Variants in PCDHGA1 observed in about 807,000 individuals in gnomAD.
PCDHGA1 encodes protocadherin gamma-A1.
In PCDHGA1, 32 loss-of-function variants were observed where a neutral mutation model predicts 58.0. That is an observed-to-expected ratio of 0.55 (90% CI 0.42 to 0.74). The LOEUF is 0.74. Ranked by LOEUF, PCDHGA1 falls within the 30% of genes least tolerant of loss-of-function variation. The pLI, the probability that PCDHGA1 is intolerant of heterozygous loss-of-function variation, is 0.00. For missense variants in PCDHGA1, 1,205 were observed against 1,182.3 expected, an observed-to-expected ratio of 1.02 and a Z score of -0.28; for synonymous variants, 498 against 501.1, an observed-to-expected ratio of 0.99 and a Z score of 0.08.
At chr5:141,407,873 A>C (rs561323423) in intron 1 of PCDHGA1, 1 of 354,804 alleles carries the variant, frequency 2.8e-6, no homozygotes, top group African/African-American at 2.1e-5. Flanking sequence ...CGAAGAATAT[A>C]TACATTTCGG....
chr5:141,447,298 C>T lies in PCDHGA1; in HGVS notation c.2422-47509C>T, dbSNP rs187482431. 1.7e-3 allele frequency among the ~76,000 whole-genome samples: 260 copies of T among 152,214 alleles called. 2 individuals carry two copies. Among genetic ancestry groups the T allele is most frequent in the African/African-American group, 5.8e-3 (239 of 41,534 alleles). ...GGGACTACAGGCACATGCCACCACA[C>T]CCGGCTAATTTTTGTATTTTTAGTA... On this transcript the variant is annotated intron_variant, in intron 1 of 3. Coordinates refer to ENST00000517417, the MANE Select transcript of PCDHGA1 (RefSeq NM_018912.3).
Position 141,394,683 on chromosome 5 carries a change from G to A in PCDHGA1, c.2421+61578G>A, listed in dbSNP as rs1008097766. ...ACTCTTCTCGGTGGGTCTGCACACG[G>A]GCGAGGTGCGCACGGCGCGAGCCCT... On this transcript the variant is annotated intron_variant, in intron 1 of 3. Coordinates refer to ENST00000517417, the MANE Select transcript of PCDHGA1 (RefSeq NM_018912.3). 5 of 1,611,630 alleles carry A rather than the reference G, an allele frequency of 3.1e-6. No homozygotes were observed. In the African/African-American group the frequency reaches 5.4e-5, roughly 17 times the overall value.
At chr5:141,378,758 C>G (rs969501970) in intron 1 of PCDHGA1, 1 of 152,162 alleles carries the variant, frequency 6.6e-6, no homozygotes, top group Non-Finnish European at 1.5e-5. Flanking sequence ...AAGGGATTAT[C>G]ATTTAGAAGA....
intron 1 of PCDHGA1, chr5:141,394,736 C>A: frequency 6.2e-7 from 1 of 1,613,456 alleles, no homozygotes; most frequent in Non-Finnish European, 8.5e-7. Flanking sequence ...TCAAGCAGAG[C>A]CTCGTGGTGG....
intron 1 of PCDHGA1, chr5:141,389,114 C>A: frequency 1.2e-6 from 2 of 1,614,004 alleles, no homozygotes; most frequent in Non-Finnish European, 1.7e-6. Flanking sequence ...TTCTAGACCG[C>A]GAGCAGAATC....
At chr5:141,479,391 T>G (rs2099494461) in intron 1 of PCDHGA1, 1 of 152,266 alleles carries the variant, frequency 6.6e-6, no homozygotes, top group Non-Finnish European at 1.5e-5. Flanking sequence ...AGCCCAGGAG[T>G]TCTGGGCTGT....
At position 141,466,670 on chromosome 5, in the gene PCDHGA1, G is replaced by C. The variant is rs994949602; in HGVS notation, c.2422-28137G>C. On this transcript the variant is annotated intron_variant, in intron 1 of 3. Transcript: ENST00000517417. ...TTCACAAAACATCAGTGATTTCACC[G>C]TTCTTCCACTCAAGCTTCATCATAA... Among the ~76,000 whole-genome samples, 3 of 152,046 alleles carry C rather than the reference G, an allele frequency of 2.0e-5. No homozygotes were observed. The South Asian group carries it at 6.2e-4, about 32-fold the overall frequency.
intron 1 of PCDHGA1, among the ~76,000 whole-genome samples, chr5:141,363,225 C>A (rs1260243395): frequency 2.0e-5 from 3 of 152,330 alleles, no homozygotes; most frequent in African/African-American, 7.2e-5. Context: ...ATCTTACAAC[C>A]TATGTTCACA....
At position 141,345,350 on chromosome 5, in the gene PCDHGA1, C is replaced by G. The variant is rs201216963; in HGVS notation, c.2421+12245C>G. 2.5e-6 allele frequency: 4 copies of G among 1,613,950 alleles called. No individual in the cohort carries two copies. The African/African-American group carries it at 4.0e-5, about 16-fold the overall frequency. On this transcript the variant is annotated intron_variant, in intron 1 of 3. Transcript: ENST00000517417. ...CACTGTCCACAGAAACTCACATCAC[C>G]CTGCATGTGATTGACATCAATGACA...
intron 1 of PCDHGA1, chr5:141,356,136 T>C (rs1279455399): frequency 1.2e-6 from 2 of 1,613,734 alleles, no homozygotes; most frequent in South Asian, 1.1e-5. Context: ...ATGAGGACTC[T>C]GGATTCTATG....
At position 141,332,707 on chromosome 5, in the gene PCDHGA1, C is replaced by T. The variant is rs1756423555; in HGVS notation, c.2023C>T (p.Leu675=). The part of the protein sequence containing the change: ...ADRISDILAD[L]GSLEPSAKPN... ...CAGGATCTCCGACATCCTGGCCGAC[C>T]TGGGCAGCCTCGAGCCCTCCGCCAA... The change falls in exon 1 of 4, where the codon CTG becomes TTG. Residue 675 remains leucine (L), a synonymous_variant. Coordinates refer to ENST00000517417, the MANE Select transcript of PCDHGA1 (RefSeq NM_018912.3). This position sits in a 1 kb window ranked among gnomAD's most constrained non-coding sequence, Gnocchi z 4.6. 21 of 1,613,966 alleles carry T rather than the reference C, an allele frequency of 1.3e-5. No individual in the cohort carries two copies. The highest frequency in any genetic ancestry group is 1.8e-5 in the Non-Finnish European group (21 of 1,179,954).
chr5:141,472,230 C>T (rs1274096264), intron 1 of PCDHGA1, among the ~76,000 whole-genome samples: 1 of 152,116 alleles, frequency 6.6e-6, no homozygotes, highest in Non-Finnish European at 1.5e-5. Flanking sequence ...TCATATAATA[C>T]ATTCACTTTC....
chr5:141,410,822 A>T (rs2095425246), intron 1 of PCDHGA1: 1 of 461,414 alleles, frequency 2.2e-6, no homozygotes, highest in Non-Finnish European at 3.6e-6. Flanking sequence ...AAATAATGTC[A>T]CCAGACTGAA....
intron 1 of PCDHGA1, chr5:141,374,138 C>A: frequency 6.2e-7 from 1 of 1,608,824 alleles, no homozygotes. Context: ...GCTCCTCACG[C>A]TCCTGGGGAC....
intron 1 of PCDHGA1, among the ~76,000 whole-genome samples, chr5:141,446,323 A>G (rs1372501599): frequency 6.6e-6 from 1 of 152,216 alleles, no homozygotes. Flanking sequence ...GGGTTTCCAC[A>G]TTAAGGAACT....
rs560084217 is a variant in PCDHGA1 at position 141,395,247 on chromosome 5, G to A, written c.2421+62142G>A. On this transcript the variant is annotated intron_variant, in intron 1 of 3. Transcript: ENST00000517417. ...AGCTGATCATGGTCAGGTGAGTTTA[G>A]TTCTTTGCTTGCTTTTAATTTCCAG... 4 of 1,561,194 alleles carry A rather than the reference G, an allele frequency of 2.6e-6. No individual in the cohort carries two copies. The East Asian group carries it at 9.1e-5, about 35-fold the overall frequency.
chr5:141,438,635 TACACAC>T (rs56854727), intron 1 of PCDHGA1, among the ~76,000 whole-genome samples: 557 of 33,182 alleles, frequency 0.017, 8 homozygotes, highest in South Asian at 0.028. Flanking sequence ...TATATATATA[TACACAC>T]ACACACACAC....
Position 141,331,832 on chromosome 5 carries a change from CAT to C in PCDHGA1, c.1149_1150del (p.Cys384PhefsTer9), listed in dbSNP as rs762568980. 9 of 1,614,174 alleles carry C rather than the reference CAT, an allele frequency of 5.6e-6. No individual in the cohort carries two copies. Among genetic ancestry groups the C allele is most frequent in the African/African-American group, 1.3e-5 (1 of 75,026 alleles). ...GACTCAGGAGACAATGGCTACACCA[CAT>C]GTTTCATTCCTGGAAATTTACCCTT... On this transcript the variant is annotated frameshift_variant, in exon 1 of 4. Coordinates refer to ENST00000517417, the MANE Select transcript of PCDHGA1 (RefSeq NM_018912.3). LOFTEE classifies it high-confidence loss of function.
At position 141,476,813 on chromosome 5, in the gene PCDHGA1, A is replaced by G. The variant is rs749333814; in HGVS notation, c.2422-17994A>G. The G allele has an allele frequency of 6.8e-6, 11 of 1,613,548 alleles. No individual in the cohort carries two copies. Among genetic ancestry groups the G allele is most frequent in the Non-Finnish European group, 9.3e-6 (11 of 1,180,022 alleles). On this transcript the variant is annotated intron_variant, in intron 1 of 3. Transcript: ENST00000517417. The surrounding 1 kb of genome is among the most constrained non-coding windows in gnomAD (Gnocchi z 7.6). ...CTCCGCCAGCCTGCCTATTCACATC[A>G]AGGTGCTGGACGCGAATGACAATGC...
Sources: allele counts gnomAD v4.1 joint callset (sites outside exome capture counted in the v4.1 genomes callset), GRCh38; gene constraint gnomAD v4.1.1; non-coding constraint Gnocchi (gnomAD v3.1); transcripts MANE v1.5; gene names NCBI Gene and HGNC (gene_info 2026-07-23, HGNC 2026-07-21).